Variants in SPECC1 observed in about 807,000 individuals in gnomAD.
SPECC1 encodes sperm antigen with calponin homology and coiled-coil domains 1, also known as cytospin-B.
SPECC1 carries 62 observed loss-of-function variants against 104.1 expected under a neutral mutation model. The ratio of observed to expected loss-of-function variants is 0.60; its 90% CI spans 0.49 to 0.74. The LOEUF (loss-of-function observed/expected upper bound fraction) is 0.74, where lower values mean the gene tolerates loss of function less well. Ranked by LOEUF, SPECC1 falls within the 30% of genes least tolerant of loss-of-function variation. SPECC1 has a pLI of 0.00. For synonymous variants in SPECC1, 513 were observed against 501.6 expected (o/e 1.02, Z -0.30); for missense variants, 1,306 against 1,310.5 (o/e 1.00, Z 0.05).
At position 20,026,797 on chromosome 17, in the gene SPECC1, C is replaced by G. The variant is rs542721078; in HGVS notation, c.-22+17373C>G. 7.7e-4 allele frequency among the ~76,000 whole-genome samples: 118 copies of G among 152,258 alleles called. 1 individual carries two copies. Among genetic ancestry groups the G allele is most frequent in the Non-Finnish European group, 1.1e-3 (77 of 67,996 alleles). ...CTGACTTCTTTCCTTTGGATAAATACCCAGTAGTAGGGTTGCTGGATCATA... is the reference window on the plus strand; with the variant it reads ...CTGACTTCTTTCCTTTGGATAAATAGCCAGTAGTAGGGTTGCTGGATCATA... On this transcript the variant is annotated intron_variant, in intron 1 of 14. Coordinates refer to ENST00000395527, the MANE Select transcript of SPECC1 (RefSeq NM_001243439.2).
intron 1 of SPECC1, among the ~76,000 whole-genome samples, chr17:20,085,251 G>A (rs775036653): frequency 2.6e-5 from 4 of 152,190 alleles, no homozygotes; most frequent in Non-Finnish European, 4.4e-5. Flanking sequence ...AGGTGGAGGT[G>A]GCTTCATGGC....
intron 13 of SPECC1, among the ~76,000 whole-genome samples, chr17:20,297,598 C>T (rs754229798): frequency 2.0e-5 from 3 of 152,218 alleles, no homozygotes; most frequent in Non-Finnish European, 4.4e-5. Context: ...CTCAGTGGGT[C>T]AGGTGGTCCA....
chr17:20,126,635 G>A (rs2049324536), intron 3 of SPECC1: 1 of 152,202 alleles, frequency 6.6e-6, no homozygotes, highest in African/African-American at 2.4e-5. Flanking sequence ...AGATAACAAT[G>A]CCTTTTGTCT....
At chr17:20,108,540 G>A (rs2048339017) in intron 2 of SPECC1, among the ~76,000 whole-genome samples, 1 of 152,086 alleles carries the variant, frequency 6.6e-6, no homozygotes, top group African/African-American at 2.4e-5. Flanking sequence ...ACCATCATTT[G>A]ATTGTGCAGC....
At chr17:20,187,394 A>G (rs1242877040) in intron 3 of SPECC1, among the ~76,000 whole-genome samples, 4 of 152,156 alleles carry the variant, frequency 2.6e-5, no homozygotes, top group African/African-American at 9.7e-5. Flanking sequence ...CTCAATCAGA[A>G]TGAGTGTTGA....
At chr17:20,126,209 C>G (rs987038953) in intron 3 of SPECC1, among the ~76,000 whole-genome samples, 3 of 152,096 alleles carry the variant, frequency 2.0e-5, no homozygotes, top group Non-Finnish European at 4.4e-5. Context: ...CTTCCCTGCT[C>G]TCCTCTCCTC....
intron 9 of SPECC1, among the ~76,000 whole-genome samples, chr17:20,249,006 C>G (rs1321433506): frequency 6.6e-6 from 1 of 152,064 alleles, no homozygotes; most frequent in Non-Finnish European, 1.5e-5. Flanking sequence ...ATATTCTTCC[C>G]CTATCTTAAC....
intron 4 of SPECC1, among the ~76,000 whole-genome samples, chr17:20,216,707 CTA>C (rs2037511730): frequency 1.3e-5 from 2 of 152,154 alleles, no homozygotes; most frequent in Admixed American, 1.3e-4. Context: ...TTGTTTGACT[CTA>C]TTTATAGTGC....
At chr17:20,274,060 C>T (rs896577355) in intron 12 of SPECC1, among the ~76,000 whole-genome samples, 1 of 152,194 alleles carries the variant, frequency 6.6e-6, no homozygotes, top group South Asian at 2.1e-4. Flanking sequence ...GTACCCTTTA[C>T]ATATATACTA....
chr17:20,203,543 A>G (rs1202029041), intron 3 of SPECC1, among the ~76,000 whole-genome samples: 1 of 152,266 alleles, frequency 6.6e-6, no homozygotes, highest in Non-Finnish European at 1.5e-5. Context: ...CTCCATGTAC[A>G]CAAATGAGTA....
chr17:20,201,963 A>G (rs115565659), intron 3 of SPECC1, among the ~76,000 whole-genome samples: 1,823 of 152,326 alleles, frequency 0.012, 33 homozygotes, highest in African/African-American at 0.041. Flanking sequence ...AAAAAGTTAC[A>G]TATGTCATGA....
chr17:20,288,072 A>G (rs1476318456), intron 12 of SPECC1, among the ~76,000 whole-genome samples: 4 of 151,322 alleles, frequency 2.6e-5, no homozygotes. Flanking sequence ...TTTCTGTACT[A>G]GTTTGCTGAG....
chr17:20,115,714 A>G (rs897161103), intron 3 of SPECC1, among the ~76,000 whole-genome samples: 1 of 152,216 alleles, frequency 6.6e-6, no homozygotes, highest in Non-Finnish European at 1.5e-5. Flanking sequence ...GACACAATTA[A>G]CAATCTTTCT....
At chr17:20,227,847 G>A (rs1475059796) in intron 5 of SPECC1, among the ~76,000 whole-genome samples, 2 of 152,190 alleles carry the variant, frequency 1.3e-5, no homozygotes, top group Admixed American at 6.5e-5. Context: ...CGCAGGAGGC[G>A]GAGGTTGCAG....
chr17:20,102,263 T>C (rs1238106683), intron 2 of SPECC1, among the ~76,000 whole-genome samples: 1 of 152,226 alleles, frequency 6.6e-6, no homozygotes, highest in Non-Finnish European at 1.5e-5. Flanking sequence ...GCTGTTTGTT[T>C]TGAAGGACAC....
chr17:20,258,675 T>C (rs1415087370), intron 11 of SPECC1, among the ~76,000 whole-genome samples: 2 of 152,242 alleles, frequency 1.3e-5, no homozygotes, highest in Admixed American at 6.5e-5. Context: ...AACATGACCA[T>C]GTCTGATTGC....
At chr17:20,146,191 A>C (rs1007941443) in intron 3 of SPECC1, among the ~76,000 whole-genome samples, 1 of 152,208 alleles carries the variant, frequency 6.6e-6, no homozygotes, top group Non-Finnish European at 1.5e-5. Context: ...TGCCCTAAAA[A>C]TCGCCTGTGC....
At chr17:20,153,490 A>G (rs1269219858) in intron 3 of SPECC1, among the ~76,000 whole-genome samples, 1 of 152,216 alleles carries the variant, frequency 6.6e-6, no homozygotes, top group Non-Finnish European at 1.5e-5. Context: ...AAGTGGAAGT[A>G]GTAAGTTAGT....
intron 3 of SPECC1, among the ~76,000 whole-genome samples, chr17:20,187,080 T>G (rs1403718039): frequency 6.6e-6 from 1 of 152,184 alleles, no homozygotes; most frequent in East Asian, 1.9e-4. Flanking sequence ...GCATTATACT[T>G]AGCAATTGAG....
Sources: allele counts gnomAD v4.1 joint callset (sites outside exome capture counted in the v4.1 genomes callset), GRCh38; gene constraint gnomAD v4.1.1; transcripts MANE v1.5; gene names NCBI Gene and HGNC (gene_info 2026-07-23, HGNC 2026-07-21).